The following B4GALT1 variants were observed in gnomAD, a reference collection of about 807,000 sequenced individuals.
B4GALT1 encodes N-acetyllactosamine synthase.
In B4GALT1, 16 loss-of-function variants were observed where a neutral mutation model predicts 34.9. The ratio of observed to expected loss-of-function variants is 0.46; its 90% confidence interval spans 0.31 to 0.70. B4GALT1 has a LOEUF of 0.70. Ranked by LOEUF, B4GALT1 falls within the 30% of genes least tolerant of loss-of-function variation. The pLI is 0.05. For missense variants in B4GALT1, 445 were observed against 530.5 expected, an observed-to-expected ratio of 0.84 and a Z score of 1.58; for synonymous variants, 221 against 218.1, an observed-to-expected ratio of 1.01 and a Z score of -0.12.
intron 1 of B4GALT1, among the ~76,000 whole-genome samples, chr9:33,139,531 G>C (rs1468698021): frequency 6.6e-6 from 1 of 152,142 alleles, no homozygotes; most frequent in East Asian, 1.9e-4. Context: ...AGCAGCCCCA[G>C]ACCTGGCGTT....
chr9:33,162,594 C>A (rs1840690304), intron 1 of B4GALT1, among the ~76,000 whole-genome samples: 1 of 152,200 alleles, frequency 6.6e-6, no homozygotes, highest in Non-Finnish European at 1.5e-5. Flanking sequence ...TATCAGGTCA[C>A]CCCTGAACCT....
In B4GALT1 at chr9:33,133,310, G is replaced by A. The variant is rs369131149; in HGVS notation, c.648+1879C>T. Among the ~76,000 whole-genome samples the A allele has an allele frequency of 1.8e-3, 273 of 152,326 alleles. 1 individual carries two copies. Among genetic ancestry groups the A allele is most frequent in the African/African-American group, 6.3e-3 (262 of 41,568 alleles). ...TCAGATGCCCTGCTGAATAAGATAT[G>A]ACAGCATTGTATCCACAGTACATCC... On this transcript the variant is annotated intron_variant, in intron 2 of 5. Coordinates refer to ENST00000379731, the MANE Select transcript of B4GALT1 (RefSeq NM_001497.4).
At chr9:33,180,777 C>T in the B4GALT1 span, among the ~76,000 whole-genome samples, 1 of 152,172 alleles carries the variant, frequency 6.6e-6, no homozygotes, top group Non-Finnish European at 1.5e-5. Flanking sequence ...CCCTTTCTGC[C>T]TCCATGGTGG....
At chr9:33,109,635 TCC>T (rs1839831978), downstream of B4GALT1, among the ~76,000 whole-genome samples, 2 of 152,204 alleles carry the variant, frequency 1.3e-5, no homozygotes, top group Admixed American at 1.3e-4. Flanking sequence ...AGGCCCTGTA[TCC>T]AAAAAACATT....
chr9:33,181,423 T>TAC, the B4GALT1 span, among the ~76,000 whole-genome samples: 25,392 of 136,912 alleles, frequency 0.19, 2,481 homozygotes, highest in Non-Finnish European at 0.22. Context: ...GACCCTGTCT[T>TAC]ACACACACAC....
intron 3 of B4GALT1, among the ~76,000 whole-genome samples, chr9:33,118,323 AG>A (rs1587728677): frequency 6.6e-6 from 1 of 152,114 alleles, no homozygotes; most frequent in East Asian, 1.9e-4. Context: ...CCAGCAAGGG[AG>A]GACAGGAAGA....
At position 33,167,092 on chromosome 9, in the gene B4GALT1, G is replaced by C. The variant is rs761655395; in HGVS notation, c.78C>G (p.Leu26=). The C allele has an allele frequency of 2.4e-5, 39 of 1,604,816 alleles. 1 individual carries two copies. In the South Asian group the frequency reaches 4.0e-4, roughly 16 times the overall value. ...CAAGGTGCAGAGCGCAGACGGCCAC[G>C]AGCAGGCGGCAGGCCCGCTGTAGGG... ...GASLQRACRL[L]VAVCALHLGV... Residue 26 remains leucine, a synonymous_variant, in exon 1 of 6, where the codon CTC becomes CTG. Transcript: ENST00000379731.
the B4GALT1 span, among the ~76,000 whole-genome samples, chr9:33,182,674 C>G: frequency 2.0e-5 from 3 of 152,186 alleles, no homozygotes; most frequent in Non-Finnish European, 4.4e-5. Flanking sequence ...CCAAACTTCT[C>G]CCCGCTATAT....
At chr9:33,108,088 A>G (rs1341821541), downstream of B4GALT1, among the ~76,000 whole-genome samples, 2 of 152,228 alleles carry the variant, frequency 1.3e-5, no homozygotes, top group Non-Finnish European at 2.9e-5. Flanking sequence ...ATTTCAAACA[A>G]TTAAACAAGC....
At chr9:33,135,835 C>T (rs549500644) in intron 1 of B4GALT1, among the ~76,000 whole-genome samples, 5 of 151,950 alleles carry the variant, frequency 3.3e-5, no homozygotes, top group African/African-American at 4.8e-5. Flanking sequence ...CTCCCAGCTG[C>T]GTGGCCTTGG....
the B4GALT1 span, among the ~76,000 whole-genome samples, chr9:33,181,459 C>CACACACACACACACAA: frequency 6.6e-6 from 1 of 151,348 alleles, no homozygotes; most frequent in Non-Finnish European, 1.5e-5. Flanking sequence ...CACACACACA[C>CACACACACACACACAA]AAACTATTCT....
downstream of B4GALT1, among the ~76,000 whole-genome samples, chr9:33,107,988 G>A (rs192060643): frequency 9.0e-4 from 137 of 152,298 alleles, no homozygotes; most frequent in Non-Finnish European, 5.0e-4. Context: ...GAGGAAAAGG[G>A]AAGATCCCCA....
At chr9:33,120,056 T>C (rs748208148) in intron 3 of B4GALT1, among the ~76,000 whole-genome samples, 1 of 151,934 alleles carries the variant, frequency 6.6e-6, no homozygotes, top group Non-Finnish European at 1.5e-5. Context: ...TGGTGGCAAG[T>C]GTTTGTAGTC....
At chr9:33,152,264 AC>A (rs1840527503) in intron 1 of B4GALT1, among the ~76,000 whole-genome samples, 1 of 152,056 alleles carries the variant, frequency 6.6e-6, no homozygotes, top group Admixed American at 6.6e-5. Context: ...AGATTTCACC[AC>A]TGCACTCCAG....
intron 1 of B4GALT1, among the ~76,000 whole-genome samples, chr9:33,150,623 G>C (rs898884471): frequency 2.0e-5 from 3 of 152,036 alleles, no homozygotes; most frequent in Non-Finnish European, 4.4e-5. Flanking sequence ...ATTTTTTTGG[G>C]GTGATGGAAC....
chr9:33,105,638 C>T (rs1839790150), intron 2 of B4GALT1, among the ~76,000 whole-genome samples: 1 of 152,182 alleles, frequency 6.6e-6, no homozygotes, highest in Non-Finnish European at 1.5e-5. Context: ...CTTCCCTTCC[C>T]CATGCCCCTG....
intron 1 of B4GALT1, among the ~76,000 whole-genome samples, chr9:33,151,720 T>C (rs1840520069): frequency 6.6e-6 from 1 of 152,244 alleles, no homozygotes; most frequent in South Asian, 2.1e-4. Context: ...TACAGCTCTA[T>C]CAGCACACAT....
upstream of B4GALT1, chr9:33,167,410 C>T (rs1840784780): frequency 3.9e-6 from 1 of 256,428 alleles, no homozygotes; most frequent in Non-Finnish European, 6.7e-6. Flanking sequence ...CGGGGCCGGG[C>T]GCGGGGTTTT....
chr9:33,125,274 A>G (rs555245224), intron 2 of B4GALT1, among the ~76,000 whole-genome samples: 6 of 152,320 alleles, frequency 3.9e-5, no homozygotes, highest in African/African-American at 1.4e-4. Context: ...AAAGGCGGTA[A>G]GGAAAAGAGA....
Sources: gnomAD v4.1 joint callset for allele counts (sites outside exome capture counted in the v4.1 genomes callset) on GRCh38, gnomAD v4.1.1 for gene constraint, MANE v1.5 for transcripts, NCBI Gene and HGNC (gene_info 2026-07-23, HGNC 2026-07-21) for gene names.